ACTR3C: variants seen among roughly 807,000 people sequenced by gnomAD.
The protein encoded by ACTR3C is actin-related protein 3C.
A neutral mutation model predicts 26.3 loss-of-function variants in ACTR3C; 18 were observed. That is an observed-to-expected ratio of 0.68 (90% CI 0.47 to 1.01). ACTR3C has a LOEUF of 1.01. Among genes scored for constraint, ACTR3C ranks in the 50% least tolerant of loss-of-function variants. The pLI is 0.00. For synonymous variants in ACTR3C, 55 were observed against 94.5 expected, an observed-to-expected ratio of 0.58 and a Z score of 2.42; for missense variants, 184 against 250.7, an observed-to-expected ratio of 0.73 and a Z score of 1.80.
the ACTR3C span, among the ~76,000 whole-genome samples, chr7:149,912,981 T>C: frequency 6.6e-6 from 1 of 152,336 alleles, no homozygotes; most frequent in African/African-American, 2.4e-5. Context: ...ACTTGAAGTT[T>C]TGTTACTTTG....
chr7:150,256,370 A>G (rs1485369660), intron 6 of ACTR3C, among the ~76,000 whole-genome samples: 2 of 152,268 alleles, frequency 1.3e-5, no homozygotes, highest in Admixed American at 1.3e-4. Flanking sequence ...CAGCAGCTGA[A>G]CTAACTTACA....
At chr7:149,991,886 G>C in the ACTR3C span, among the ~76,000 whole-genome samples, 1 of 151,886 alleles carries the variant, frequency 6.6e-6, no homozygotes, top group Non-Finnish European at 1.5e-5. Context: ...TGTGCCACCA[G>C]TCCCAGCCTC....
the ACTR3C span, among the ~76,000 whole-genome samples, chr7:150,050,737 C>A: frequency 6.6e-6 from 1 of 152,038 alleles, no homozygotes. Context: ...ATGGAGCGCC[C>A]TTTACCCAAA....
chr7:149,988,990 G>T, the ACTR3C span, among the ~76,000 whole-genome samples: 1 of 152,160 alleles, frequency 6.6e-6, no homozygotes, highest in African/African-American at 2.4e-5. Flanking sequence ...AAGGGCCCCT[G>T]AGGCTGTTCA....
the ACTR3C span, among the ~76,000 whole-genome samples, chr7:150,183,301 A>ACTACGAGATTCCT: frequency 7.3e-6 from 1 of 137,204 alleles, no homozygotes; most frequent in Non-Finnish European, 1.5e-5. Flanking sequence ...TGTAAATATG[A>ACTACGAGATTCCT]CCATGTTGCC....
chr7:150,049,004 G>T, the ACTR3C span, among the ~76,000 whole-genome samples: 1 of 152,044 alleles, frequency 6.6e-6, no homozygotes, highest in African/African-American at 2.4e-5. Context: ...CGGAGGCTCG[G>T]CTCTCCGGCT....
At chr7:149,964,186 C>T in the ACTR3C span, among the ~76,000 whole-genome samples, 1 of 152,196 alleles carries the variant, frequency 6.6e-6, no homozygotes, top group Non-Finnish European at 1.5e-5. Flanking sequence ...CGTGTGGCAT[C>T]TCCTGGTGGC....
At chr7:150,067,524 C>T in the ACTR3C span, among the ~76,000 whole-genome samples, 62,743 of 151,970 alleles carry the variant, frequency 0.41, 13,578 homozygotes, top group East Asian at 0.67. Flanking sequence ...GTGTCCGAAC[C>T]TCTGGACTCA....
chr7:150,002,491 G>C, the ACTR3C span: 2 of 152,254 alleles, frequency 1.3e-5, no homozygotes, highest in East Asian at 3.9e-4. Context: ...ACTTTCCCTT[G>C]AACAATCCGA....
At chr7:149,962,366 T>G in the ACTR3C span, among the ~76,000 whole-genome samples, 1 of 152,104 alleles carries the variant, frequency 6.6e-6, no homozygotes, top group East Asian at 1.9e-4. Flanking sequence ...CAAGGCTTCT[T>G]GAGGAAGAAA....
At chr7:150,172,222 T>G in the ACTR3C span, among the ~76,000 whole-genome samples, 1 of 150,808 alleles carries the variant, frequency 6.6e-6, no homozygotes, top group African/African-American at 2.5e-5. Context: ...TAGTCCATTT[T>G]CACACTGCTG....
the ACTR3C span, among the ~76,000 whole-genome samples, chr7:149,887,882 T>C: frequency 4.6e-5 from 7 of 152,230 alleles, no homozygotes; most frequent in Non-Finnish European, 8.8e-5. Context: ...ATCAGGGATT[T>C]CTGCTTTTGC....
the ACTR3C span, among the ~76,000 whole-genome samples, chr7:149,896,847 G>C: frequency 6.6e-6 from 1 of 151,846 alleles, no homozygotes; most frequent in Non-Finnish European, 1.5e-5. Flanking sequence ...ATCACCTGAG[G>C]TCAGGAGTTC....
chr7:150,002,658 T>C, the ACTR3C span: 1 of 152,256 alleles, frequency 6.6e-6, no homozygotes, highest in Non-Finnish European at 1.5e-5. Flanking sequence ...GGAGGAGTTC[T>C]CCCGGGGATA....
At chr7:150,294,526 G>T (rs1836569706) in intron 2 of ACTR3C, among the ~76,000 whole-genome samples, 2 of 152,216 alleles carry the variant, frequency 1.3e-5, no homozygotes, top group African/African-American at 2.4e-5. Flanking sequence ...AAATGAATTT[G>T]GAAGTGCTAG....
chr7:150,266,564 G>GA (rs899907669), intron 6 of ACTR3C, among the ~76,000 whole-genome samples: 1 of 151,778 alleles, frequency 6.6e-6, no homozygotes, highest in African/African-American at 2.4e-5. Flanking sequence ...AACCATAAAA[G>GA]AAAAAAGTTT....
At chr7:150,214,061 G>A in the ACTR3C span, among the ~76,000 whole-genome samples, 1 of 150,658 alleles carries the variant, frequency 6.6e-6, no homozygotes, top group Non-Finnish European at 1.5e-5. Flanking sequence ...AACAAAACTT[G>A]TATTTGAGTT....
chr7:150,022,223 T>G, the ACTR3C span, among the ~76,000 whole-genome samples: 1 of 151,454 alleles, frequency 6.6e-6, no homozygotes, highest in South Asian at 2.1e-4. Flanking sequence ...TCATTAGTGA[T>G]GTTGAGCATT....
chr7:150,127,155 C>T, the ACTR3C span, among the ~76,000 whole-genome samples: 1 of 96,178 alleles, frequency 1.0e-5, no homozygotes, highest in African/African-American at 3.4e-5. Context: ...CACACACACA[C>T]ACACACACAC....
Sources: allele counts gnomAD v4.1 joint callset (sites outside exome capture counted in the v4.1 genomes callset), GRCh38; gene constraint gnomAD v4.1.1; transcripts MANE v1.5; gene names NCBI Gene and HGNC (gene_info 2026-07-23, HGNC 2026-07-21).